PPFIBP1: variants seen among roughly 807,000 people sequenced by gnomAD.
The protein encoded by PPFIBP1 is PPFIB scaffold protein 1, also known as liprin-beta-1.
Under a neutral mutation model 137.8 loss-of-function variants are expected in PPFIBP1, and 112 were observed. The ratio of observed to expected loss-of-function variants is 0.81; its 90% confidence interval spans 0.70 to 0.95. PPFIBP1 has a LOEUF of 0.95. Among genes scored for constraint, PPFIBP1 ranks in the 40% least tolerant of loss-of-function variants. PPFIBP1 has a pLI of 0.00. For missense variants in PPFIBP1, 1,083 were observed against 1,196.6 expected (o/e 0.91, Z 1.40); for synonymous variants, 378 against 417.3 (o/e 0.91, Z 1.15).
At chr12:27,581,050 A>G (rs1482102566) in intron 2 of PPFIBP1, among the ~76,000 whole-genome samples, 1 of 152,034 alleles carries the variant, frequency 6.6e-6, no homozygotes, top group Non-Finnish European at 1.5e-5. Context: ...GTGTGCCATC[A>G]TGCCCGGCTA....
intron 1 of PPFIBP1, among the ~76,000 whole-genome samples, chr12:27,566,553 T>G (rs2049691462): frequency 6.6e-6 from 1 of 152,190 alleles, no homozygotes; most frequent in African/African-American, 2.4e-5. Flanking sequence ...TCCCTCAAAG[T>G]TAAGCTTTAG....
At chr12:27,555,665 T>C (rs974449137) in intron 1 of PPFIBP1, among the ~76,000 whole-genome samples, 2 of 152,202 alleles carry the variant, frequency 1.3e-5, no homozygotes, top group Non-Finnish European at 2.9e-5. Flanking sequence ...GGCGATGATA[T>C]AGCACGTACG....
chr12:27,671,029 T>C (rs1200217936), intron 13 of PPFIBP1, among the ~76,000 whole-genome samples: 2 of 151,762 alleles, frequency 1.3e-5, no homozygotes, highest in Non-Finnish European at 2.9e-5. Context: ...ACTAGCTGGG[T>C]ACAGTGGCAC....
chr12:27,559,615 G>A (rs2048996561), intron 1 of PPFIBP1, among the ~76,000 whole-genome samples: 1 of 152,212 alleles, frequency 6.6e-6, no homozygotes, highest in Admixed American at 6.5e-5. Flanking sequence ...TTTCAGGAAT[G>A]TAATGGTTCA....
At chr12:27,587,360 G>A (rs1413646174) in intron 2 of PPFIBP1, among the ~76,000 whole-genome samples, 1 of 152,164 alleles carries the variant, frequency 6.6e-6, no homozygotes, top group South Asian at 2.1e-4. Context: ...AGTGGCTCAC[G>A]TCTGTAATCC....
Position 27,692,656 on chromosome 12 carries a change from G to A in PPFIBP1, c.2931G>A (p.Thr977=), listed in dbSNP as rs369788968. The part of the protein sequence containing the change: ...GAFSEGINNL[T]HMLKEDDMFK... Reference sequence around the variant, plus strand: ...TCTCTGAAGGCATCAACAATCTGACGGTGAGTTTGTGAAATGAATTGAAAA... The same window carrying A: ...TCTCTGAAGGCATCAACAATCTGACAGTGAGTTTGTGAAATGAATTGAAAA... Residue 977 remains threonine (T), a splice_region_variant and synonymous_variant, in exon 29 of 30, where the codon ACG becomes ACA. Transcript: ENST00000228425. The A allele has an allele frequency of 1.1e-5, 18 of 1,613,898 alleles. No individual in the cohort carries two copies. The highest frequency in any genetic ancestry group is 1.4e-5 in the Non-Finnish European group (17 of 1,179,916).
intron 2 of PPFIBP1, among the ~76,000 whole-genome samples, chr12:27,623,045 T>G (rs2056477784): frequency 6.6e-6 from 1 of 152,156 alleles, no homozygotes; most frequent in East Asian, 1.9e-4. Flanking sequence ...TTCCTATGGG[T>G]ATACATATCC....
intron 4 of PPFIBP1, among the ~76,000 whole-genome samples, chr12:27,645,762 C>T (rs866977784): frequency 2.0e-5 from 3 of 152,172 alleles, no homozygotes; most frequent in Non-Finnish European, 4.4e-5. Context: ...TTGCCTGCCC[C>T]TGGGTGTGTG....
At chr12:27,587,213 TGAA>T (rs2051871263) in intron 2 of PPFIBP1, among the ~76,000 whole-genome samples, 1 of 152,196 alleles carries the variant, frequency 6.6e-6, no homozygotes, top group Non-Finnish European at 1.5e-5. Flanking sequence ...CGAGAATGAA[TGAA>T]GGAGTCCAGA....
At chr12:27,606,621 G>C (rs527624126) in intron 2 of PPFIBP1, among the ~76,000 whole-genome samples, 1 of 152,260 alleles carries the variant, frequency 6.6e-6, no homozygotes, top group Admixed American at 6.5e-5. Flanking sequence ...CAGATGTCTG[G>C]GCCGAAAATA....
intron 1 of PPFIBP1, among the ~76,000 whole-genome samples, chr12:27,536,417 A>G (rs1416960460): frequency 6.6e-6 from 1 of 152,206 alleles, no homozygotes; most frequent in Non-Finnish European, 1.5e-5. Flanking sequence ...GCCCCCAGGA[A>G]GCTTCCGATC....
chr12:27,545,500 G>A (rs949766757), intron 1 of PPFIBP1, among the ~76,000 whole-genome samples: 1 of 152,190 alleles, frequency 6.6e-6, no homozygotes, highest in East Asian at 1.9e-4. Flanking sequence ...TAGTACATAT[G>A]AGAACCCAGC....
chr12:27,555,581 C>T (rs1592430394), intron 1 of PPFIBP1, among the ~76,000 whole-genome samples: 1 of 152,304 alleles, frequency 6.6e-6, no homozygotes, highest in East Asian at 1.9e-4. Context: ...TGGAGGAAAT[C>T]ATAAATCATG....
chr12:27,601,374 C>G (rs2053967730), intron 2 of PPFIBP1, among the ~76,000 whole-genome samples: 1 of 152,122 alleles, frequency 6.6e-6, no homozygotes, highest in African/African-American at 2.4e-5. Context: ...ATTTCCTATG[C>G]TCTGTTTGCA....
intron 9 of PPFIBP1, among the ~76,000 whole-genome samples, chr12:27,658,283 G>A (rs2059339290): frequency 6.6e-6 from 1 of 152,128 alleles, no homozygotes; most frequent in South Asian, 2.1e-4. Context: ...TAACTACGGG[G>A]ATTGAGAACA....
chr12:27,684,874 C>T (rs1162097918), intron 24 of PPFIBP1, among the ~76,000 whole-genome samples: 1 of 152,108 alleles, frequency 6.6e-6, no homozygotes, highest in Non-Finnish European at 1.5e-5. Flanking sequence ...CTAACGTTAA[C>T]ATCTTACGTA....
intron 5 of PPFIBP1, among the ~76,000 whole-genome samples, chr12:27,647,401 T>C (rs11049081): frequency 0.14 from 20,570 of 152,196 alleles, 2,893 homozygotes; most frequent in African/African-American, 0.36. Flanking sequence ...TTTCCTCTCT[T>C]ATACTATCTC....
intron 2 of PPFIBP1, chr12:27,594,104 A>G (rs1416819352): frequency 9.5e-7 from 1 of 1,052,582 alleles, no homozygotes; most frequent in Non-Finnish European, 1.2e-6. Context: ...AAGAAAAAAG[A>G]AAAAGTAGGT....
At chr12:27,582,971 A>G (rs947448168) in intron 2 of PPFIBP1, among the ~76,000 whole-genome samples, 1 of 152,062 alleles carries the variant, frequency 6.6e-6, no homozygotes, top group Non-Finnish European at 1.5e-5. Context: ...TTTTTACCTA[A>G]TTCCTTTCCT....
Sources: allele counts gnomAD v4.1 joint callset (sites outside exome capture counted in the v4.1 genomes callset), GRCh38; gene constraint gnomAD v4.1.1; transcripts MANE v1.5; gene names NCBI Gene and HGNC (gene_info 2026-07-23, HGNC 2026-07-21).